DIAPH2: variants seen among roughly 807,000 people sequenced by gnomAD.
DIAPH2 encodes the protein protein diaphanous homolog 2.
Under a neutral mutation model 92.7 loss-of-function variants are expected in DIAPH2, and 35 were observed. The ratio of observed to expected loss-of-function variants is 0.38; its 90% confidence interval spans 0.29 to 0.50. The LOEUF (loss-of-function observed/expected upper bound fraction) is 0.50, where lower values mean the gene tolerates loss of function less well. DIAPH2 is among the 20% of genes least tolerant of loss of function. The pLI, the probability that DIAPH2 is intolerant of heterozygous loss-of-function variation, is 0.94. For missense variants in DIAPH2, 701 were observed against 819.5 expected (o/e 0.86, Z 1.77); for synonymous variants, 301 against 280.4 (o/e 1.07, Z -0.73).
intron 17 of DIAPH2, among the ~76,000 whole-genome samples, chrX:96,990,869 C>G (rs2066064907): frequency 9.0e-6 from 1 of 110,914 alleles, no homozygotes; most frequent in Non-Finnish European, 1.9e-5. Context: ...TCAGTAACCC[C>G]TTCCTTCAAA....
At chrX:97,590,121 G>A (rs2071507598) in intron 26 of DIAPH2, among the ~76,000 whole-genome samples, 1 of 112,015 alleles carries the variant, frequency 8.9e-6, no homozygotes, top group Non-Finnish European at 1.9e-5. Flanking sequence ...GTAAGCTGTA[G>A]GTTAAGTATC....
intron 16 of DIAPH2, among the ~76,000 whole-genome samples, chrX:96,960,893 A>G (rs1268845015): frequency 8.9e-6 from 1 of 112,099 alleles, no homozygotes; most frequent in South Asian, 3.7e-4. Flanking sequence ...GCTGTGATGT[A>G]TCACGTTTAT....
intron 17 of DIAPH2, among the ~76,000 whole-genome samples, chrX:96,984,450 G>A (rs1261117316): frequency 2.7e-5 from 3 of 110,580 alleles, no homozygotes; most frequent in African/African-American, 9.9e-5. Context: ...CAGTTATCTC[G>A]TATTGAATTC....
At chrX:97,108,320 T>C (rs1467250095) in intron 20 of DIAPH2, among the ~76,000 whole-genome samples, 1 of 111,901 alleles carries the variant, frequency 8.9e-6, no homozygotes, top group African/African-American at 3.3e-5. Flanking sequence ...GAATGAATTA[T>C]AAAACAAAGG....
chrX:97,300,959 AAAAAAAG>A (rs1277573914), intron 23 of DIAPH2, among the ~76,000 whole-genome samples: 65 of 59,562 alleles, frequency 1.1e-3, no homozygotes, highest in Non-Finnish European at 1.7e-3. Flanking sequence ...AAAAAAAAAA[AAAAAAAG>A]AAGAAGAAGA....
chrX:97,176,827 G>A (rs894974545), intron 22 of DIAPH2, among the ~76,000 whole-genome samples: 1 of 111,504 alleles, frequency 9.0e-6, no homozygotes, highest in Non-Finnish European at 1.9e-5. Flanking sequence ...GCGCCTGGCC[G>A]AAGTATTGGT....
chrX:97,069,108 G>A (rs975616104), intron 17 of DIAPH2, among the ~76,000 whole-genome samples: 4 of 110,437 alleles, frequency 3.6e-5, no homozygotes, highest in East Asian at 2.9e-4. Flanking sequence ...GATTACAGGC[G>A]CCCACCACCA....
chrX:97,561,306 T>G lies in DIAPH2; in HGVS notation c.3242-37947T>G, dbSNP rs6615914. ...TTCTTAATGGATATGTAGAGATAAT[T>G]TCTCTTCCTTTAATGTCTGTGAATT... On this transcript the variant is annotated intron_variant, in intron 26 of 26. Coordinates refer to ENST00000324765, the MANE Select transcript of DIAPH2 (RefSeq NM_006729.5). 7.4e-4 allele frequency among the ~76,000 whole-genome samples: 83 copies of G among 112,210 alleles called. 1 individual carries two copies. The highest frequency in any genetic ancestry group is 2.6e-3 in the African/African-American group (81 of 30,899).
At chrX:97,527,315 T>C (rs1408494111) in intron 26 of DIAPH2, among the ~76,000 whole-genome samples, 2 of 112,275 alleles carry the variant, frequency 1.8e-5, no homozygotes, top group Admixed American at 1.9e-4. Context: ...TCTAATCTGA[T>C]AGAATGGAGG....
At chrX:97,447,750 G>T (rs923539391) in intron 26 of DIAPH2, among the ~76,000 whole-genome samples, 19 of 111,298 alleles carry the variant, frequency 1.7e-4, no homozygotes, top group Non-Finnish European at 5.7e-5. Context: ...CGGTAGTTTG[G>T]GTTATAGGAC....
intron 5 of DIAPH2, among the ~76,000 whole-genome samples, chrX:96,891,388 C>T (rs1321121533): frequency 1.8e-5 from 2 of 112,055 alleles, no homozygotes; most frequent in Non-Finnish European, 3.8e-5. Context: ...TCTGCCATCA[C>T]AAATTGCATT....
At chrX:97,151,253 G>T (rs986341390) in intron 22 of DIAPH2, among the ~76,000 whole-genome samples, 1 of 111,253 alleles carries the variant, frequency 9.0e-6, no homozygotes, top group African/African-American at 3.3e-5. Context: ...TTTTCTTAAT[G>T]TATGTTTTAC....
intron 5 of DIAPH2, among the ~76,000 whole-genome samples, chrX:96,895,324 C>T (rs188260610): frequency 3.5e-4 from 39 of 111,199 alleles, no homozygotes; most frequent in Admixed American, 3.3e-3. Flanking sequence ...TTTTAAAATA[C>T]GTGACTGGAA....
At chrX:97,419,581 G>A (rs1484852299) in intron 25 of DIAPH2, among the ~76,000 whole-genome samples, 2 of 111,728 alleles carry the variant, frequency 1.8e-5, no homozygotes, top group Non-Finnish European at 3.8e-5. Context: ...TCTACTCAAG[G>A]CGTCTCGGGG....
chrX:97,552,372 A>G (rs978143993), intron 26 of DIAPH2, among the ~76,000 whole-genome samples: 1 of 111,897 alleles, frequency 8.9e-6, no homozygotes, highest in African/African-American at 3.2e-5. Flanking sequence ...CTGAATAAGT[A>G]AGTAATACAG....
chrX:97,574,650 G>A (rs1185871040), intron 26 of DIAPH2, among the ~76,000 whole-genome samples: 1 of 111,704 alleles, frequency 9.0e-6, no homozygotes, highest in Non-Finnish European at 1.9e-5. Context: ...GAGGCAATAG[G>A]AGAACACAGT....
At chrX:96,788,288 C>T (rs1359616377) in intron 4 of DIAPH2, among the ~76,000 whole-genome samples, 1 of 111,734 alleles carries the variant, frequency 8.9e-6, no homozygotes, top group Non-Finnish European at 1.9e-5. Flanking sequence ...TCACCTAGTG[C>T]AAACTTCTCA....
intron 5 of DIAPH2, among the ~76,000 whole-genome samples, chrX:96,886,278 TAAAA>T (rs2065261237): frequency 9.1e-6 from 1 of 109,876 alleles, no homozygotes; most frequent in Non-Finnish European, 1.9e-5. Flanking sequence ...TTAGAGGAAA[TAAAA>T]AACATATACT....
intron 23 of DIAPH2, among the ~76,000 whole-genome samples, chrX:97,309,306 C>T (rs984998973): frequency 1.8e-5 from 2 of 109,910 alleles, no homozygotes; most frequent in Non-Finnish European, 3.8e-5. Flanking sequence ...ACCATACTGG[C>T]CAGGCTGGTC....
Sources: gnomAD v4.1 joint callset for allele counts (sites outside exome capture counted in the v4.1 genomes callset) on GRCh38, gnomAD v4.1.1 for gene constraint, MANE v1.5 for transcripts, NCBI Gene and HGNC (gene_info 2026-07-23, HGNC 2026-07-21) for gene names.